The following WNT7B variants were observed in gnomAD, a reference collection of about 807,000 sequenced individuals.
WNT7B encodes Wnt family member 7B.
A neutral mutation model predicts 38.2 loss-of-function variants in WNT7B; 19 were observed. That is an observed-to-expected ratio of 0.50 (90% CI 0.35 to 0.73). The LOEUF (loss-of-function observed/expected upper bound fraction) is 0.73, where lower values mean the gene tolerates loss of function less well. Among genes scored for constraint, WNT7B ranks in the 30% least tolerant of loss-of-function variants. The probability of loss-of-function intolerance (pLI) is 0.01; values close to 1 mark genes in which losing one functional copy is unlikely to be tolerated. For synonymous variants in WNT7B, 243 were observed against 209.3 expected (o/e 1.16, Z -1.39); for missense variants, 423 against 507.9 (o/e 0.83, Z 1.61).
At chr22:45,947,490 C>T (rs1054210793) in intron 2 of WNT7B, among the ~76,000 whole-genome samples, 16 of 152,290 alleles carry the variant, frequency 1.1e-4, no homozygotes, top group African/African-American at 2.6e-4. Context: ...ATTTAAGTAA[C>T]GGGTGCTGAG....
chr22:45,925,512 A>G (rs1156373989), intron 3 of WNT7B: 4 of 985,230 alleles, frequency 4.1e-6, no homozygotes, highest in Non-Finnish European at 2.4e-6. Context: ...GTCATGGGCC[A>G]GAGCCTGGAC....
intron 1 of WNT7B, among the ~76,000 whole-genome samples, chr22:45,974,235 G>C (rs560507188): frequency 6.6e-6 from 1 of 152,162 alleles, no homozygotes; most frequent in South Asian, 2.1e-4. Flanking sequence ...AAGGGAGGCT[G>C]AGAGGTTAAA....
intron 1 of WNT7B, among the ~76,000 whole-genome samples, chr22:45,955,494 A>G (rs992158712): frequency 7.9e-5 from 12 of 152,182 alleles, no homozygotes; most frequent in South Asian, 4.1e-4. Flanking sequence ...TCCAAGTGTG[A>G]AAACTCTCAG....
At chr22:45,927,801 C>T (rs186485830) in intron 3 of WNT7B, among the ~76,000 whole-genome samples, 1 of 152,196 alleles carries the variant, frequency 6.6e-6, no homozygotes, top group East Asian at 1.9e-4. Flanking sequence ...GAGGCTGAGG[C>T]AGGAGAATTG....
At chr22:45,950,666 G>C (rs558648112) in intron 1 of WNT7B, among the ~76,000 whole-genome samples, 3 of 152,310 alleles carry the variant, frequency 2.0e-5, no homozygotes, top group Non-Finnish European at 4.4e-5. Flanking sequence ...ACTGACTCCA[G>C]CTCCGACCTG....
intron 3 of WNT7B, among the ~76,000 whole-genome samples, chr22:45,930,707 G>A (rs1931317934): frequency 6.6e-6 from 1 of 152,210 alleles, no homozygotes; most frequent in African/African-American, 2.4e-5. Context: ...GCCTCTGCCA[G>A]GAAGTCTTTC....
intron 3 of WNT7B, among the ~76,000 whole-genome samples, chr22:45,929,941 C>T (rs927572960): frequency 4.0e-5 from 6 of 151,714 alleles, no homozygotes; most frequent in African/African-American, 7.3e-5. Flanking sequence ...CCCACTCATC[C>T]TTCCATCCAT....
chr22:45,976,897 A>G lies in WNT7B; in HGVS notation c.-143T>C, dbSNP rs1932564201. 2 of 997,146 alleles carry G rather than the reference A, an allele frequency of 2.0e-6. No homozygotes were observed. The highest frequency in any genetic ancestry group is 2.4e-6 in the Non-Finnish European group (2 of 837,310). 61.8% of individuals were successfully genotyped at this position (997,146 alleles called of 1,614,324 possible). Reference sequence around the variant, plus strand: ...CTCGGGCGGCCGGCGACGCGCGGGCACTCGGCGCGCGCTGCCACCATGGTG... The same window carrying G: ...CTCGGGCGGCCGGCGACGCGCGGGCGCTCGGCGCGCGCTGCCACCATGGTG... On this transcript the variant is annotated 5_prime_UTR_variant, in exon 1 of 4. Transcript: ENST00000339464. The surrounding 1 kb of genome is among the most constrained non-coding windows in gnomAD (Gnocchi z 8.5).
At chr22:45,932,222 A>G (rs1931386183) in intron 2 of WNT7B, among the ~76,000 whole-genome samples, 1 of 152,156 alleles carries the variant, frequency 6.6e-6, no homozygotes, top group African/African-American at 2.4e-5. Flanking sequence ...GTCCCAGGTC[A>G]ATGCCTACTG....
chr22:45,929,687 TCCATCCAC>T (rs1299234978), intron 3 of WNT7B, among the ~76,000 whole-genome samples: 1 of 128,822 alleles, frequency 7.8e-6, no homozygotes, highest in Non-Finnish European at 1.6e-5. Context: ...CCTCCATACT[TCCATCCAC>T]CCATCTTTCC....
intron 1 of WNT7B, among the ~76,000 whole-genome samples, chr22:45,956,584 G>GA (rs1601735043): frequency 1.3e-5 from 2 of 152,174 alleles, no homozygotes; most frequent in African/African-American, 4.8e-5. Context: ...CTGTACCCAG[G>GA]AAAAACCCGT....
intron 2 of WNT7B, among the ~76,000 whole-genome samples, chr22:45,938,289 G>A (rs1224875671): frequency 6.6e-6 from 1 of 152,162 alleles, no homozygotes. Flanking sequence ...AGAGTGGAAT[G>A]ACAGACACCA....
Position 45,929,615 on chromosome 22 carries a change from TACA to T in WNT7B, c.570+1480_570+1482del, listed in dbSNP as rs1931234297. Among the ~76,000 whole-genome samples, 6 of 134,262 alleles carry T rather than the reference TACA, an allele frequency of 4.5e-5. No homozygotes were observed. In the South Asian group the frequency reaches 1.4e-3, roughly 31 times the overall value. 88.1% of individuals were successfully genotyped at this position (134,262 alleles called of 152,430 possible). The stretch of plus-strand genomic sequence containing the variant: ...ATTCATGCATCCATCCACCTGCCCA[TACA>T]CCCATCCTTCCATCCATGCATCCAC... On this transcript the variant is annotated intron_variant, in intron 3 of 3. Transcript: ENST00000339464.
In WNT7B at chr22:45,965,423, G is replaced by A. The variant is rs547535124; in HGVS notation, c.71+11261C>T. On this transcript the variant is annotated intron_variant, in intron 1 of 3. Transcript: ENST00000339464. The surrounding 1 kb of genome is among the most constrained non-coding windows in gnomAD (Gnocchi z 6.5). ...ACCCACCCGCGGGGGCTGCCGTCAC[G>A]CTGTGGGCATGAAGGGAAAGTTCAG... 1.4e-4 allele frequency among the ~76,000 whole-genome samples: 22 copies of A among 152,312 alleles called. No individual in the cohort carries two copies. Among genetic ancestry groups the A allele is most frequent in the East Asian group, 7.7e-4 (4 of 5,180 alleles).
intron 2 of WNT7B, among the ~76,000 whole-genome samples, chr22:45,945,583 G>C (rs1162127574): frequency 6.6e-6 from 1 of 152,236 alleles, no homozygotes; most frequent in Non-Finnish European, 1.5e-5. Flanking sequence ...GCCAGAGGTG[G>C]CTTGGGGTCA....
rs544907860 is a variant in WNT7B at position 45,970,410 on chromosome 22, G to A, written c.71+6274C>T. The stretch of plus-strand genomic sequence containing the variant: ...GAGGGGCCAGCCCTGAGGTAAACCC[G>A]GGGTCTGCAGAGGTACACTGGGCAC... On this transcript the variant is annotated intron_variant, in intron 1 of 3. Transcript: ENST00000339464. Among the ~76,000 whole-genome samples the A allele has an allele frequency of 8.1e-5, 12 of 147,492 alleles. No individual in the cohort carries two copies. The South Asian group carries it at 8.5e-4, about 11-fold the overall frequency.
intron 2 of WNT7B, among the ~76,000 whole-genome samples, chr22:45,932,623 G>A (rs1931403258): frequency 6.6e-6 from 1 of 152,162 alleles, no homozygotes; most frequent in African/African-American, 2.4e-5. Context: ...CCTGGCTCTG[G>A]ACTCTTGGGT....
rs368241064 is a variant in WNT7B at position 45,930,404 on chromosome 22, G to T, written c.570+694C>A. 4.0e-5 allele frequency among the ~76,000 whole-genome samples: 6 copies of T among 148,366 alleles called. No homozygotes were observed. In the Admixed American group the frequency reaches 4.1e-4, roughly 10 times the overall value. Reference sequence around the variant, plus strand: ...GCCCCCAGGCCTCGGAGCCGGAGCCGGCTGGGCGTTCCACTTGGCTGGCCA... The same window carrying T: ...GCCCCCAGGCCTCGGAGCCGGAGCCTGCTGGGCGTTCCACTTGGCTGGCCA... On this transcript the variant is annotated intron_variant, in intron 3 of 3. Transcript: ENST00000339464.
At chr22:45,938,984 C>T (rs1042478668) in intron 2 of WNT7B, among the ~76,000 whole-genome samples, 1 of 152,198 alleles carries the variant, frequency 6.6e-6, no homozygotes, top group African/African-American at 2.4e-5. Flanking sequence ...GGTATAAAAA[C>T]ATCCAATAAG....
Sources: allele counts gnomAD v4.1 joint callset (sites outside exome capture counted in the v4.1 genomes callset), GRCh38; gene constraint gnomAD v4.1.1; non-coding constraint Gnocchi (gnomAD v3.1); transcripts MANE v1.5; gene names NCBI Gene and HGNC (gene_info 2026-07-23, HGNC 2026-07-21).